Variants in CCDC171 observed in about 807,000 individuals in gnomAD.
CCDC171 encodes the protein coiled-coil domain containing 171, also known as coiled-coil domain-containing protein 171.
In CCDC171, 177 loss-of-function variants were observed where a neutral mutation model predicts 168.2. The observed-to-expected ratio is 1.05, with a 90% CI of 0.93 to 1.19. CCDC171 has a LOEUF of 1.19. CCDC171 is among the 50% of genes most tolerant of loss of function. CCDC171 has a pLI of 0.00. For missense variants in CCDC171, 1,991 were observed against 1,539.0 expected (o/e 1.29, Z -4.91); for synonymous variants, 687 against 540.8 (o/e 1.27, Z -3.75).
intron 21 of CCDC171, among the ~76,000 whole-genome samples, chr9:15,824,289 AATTT>A (rs2059921069): frequency 6.6e-6 from 1 of 152,006 alleles, no homozygotes; most frequent in African/African-American, 2.4e-5. Flanking sequence ...TATAAAATAA[AATTT>A]ATATACTACA....
intron 1 of CCDC171, among the ~76,000 whole-genome samples, chr9:15,562,837 G>T (rs936112301): frequency 6.6e-6 from 1 of 152,050 alleles, no homozygotes; most frequent in Non-Finnish European, 1.5e-5. Flanking sequence ...AAGTTTCCCT[G>T]GGGTCTGACC....
chr9:15,907,239 G>A (rs1397144875), intron 24 of CCDC171, among the ~76,000 whole-genome samples: 3 of 152,092 alleles, frequency 2.0e-5, no homozygotes, highest in Non-Finnish European at 2.9e-5. Flanking sequence ...GAGACATCAT[G>A]CTACCTGACT....
In CCDC171 at chr9:16,052,477, T is replaced by C. The variant is rs555212008; in HGVS notation, n.90-8169T>C. Among the ~76,000 whole-genome samples, 16 of 152,274 alleles carry C rather than the reference T, an allele frequency of 1.1e-4. No individual in the cohort carries two copies. In the East Asian group the frequency reaches 2.7e-3, roughly 26 times the overall value. On this transcript the variant is annotated intron_variant and non_coding_transcript_variant, in intron 1 of 1. Coordinates refer to the CCDC171 transcript ENST00000478913. ...TCCTTTTATTCTCACAAAGCTCTTA[T>C]GCCACACAAACTTCTCTTCACACTG...
chr9:16,058,176 T>C (rs1833873085), intron 1 of CCDC171, among the ~76,000 whole-genome samples: 1 of 151,952 alleles, frequency 6.6e-6, no homozygotes, highest in African/African-American at 2.4e-5. Flanking sequence ...TCTGGAACTC[T>C]CTCCCTCCCC....
intron 11 of CCDC171, among the ~76,000 whole-genome samples, chr9:15,706,490 G>A (rs1288973520): frequency 1.3e-5 from 2 of 151,968 alleles, no homozygotes; most frequent in African/African-American, 4.8e-5. Context: ...ATTTCACCAT[G>A]TTGCCCAGGC....
rs769057143 is a variant in CCDC171 at position 15,777,600 on chromosome 9, A to G, written c.2672A>G (p.Asp891Gly). Residue 891 changes from aspartate (D) to glycine (G), a missense_variant and splice_region_variant, in exon 19 of 26, where the codon GAT becomes GGT. Transcript: ENST00000380701. ...TGCCTTTTTTTCTTTTTCTTTGAAGATCCAAATTCCAGAATTTGTGGACAT... is the reference window on the plus strand; with the variant it reads ...TGCCTTTTTTTCTTTTTCTTTGAAGGTCCAAATTCCAGAATTTGTGGACAT... ...AELQDVIGKA[D>G]PNSRICGHLL... The G allele has an allele frequency of 6.3e-7, 1 of 1,598,216 alleles. No homozygotes were observed. Among genetic ancestry groups the G allele is most frequent in the Non-Finnish European group, 8.5e-7 (1 of 1,173,452 alleles).
rs561870355 is a variant in CCDC171 at position 15,604,797 on chromosome 9, G to A, written c.675+10625G>A. On this transcript the variant is annotated intron_variant, in intron 6 of 25. Transcript: ENST00000380701. ...GTAGTGACAACTCGGAGGAAGTTAC[G>A]TGAAAAGAAAGTGTTTTTAGGAATA... 2.8e-4 allele frequency among the ~76,000 whole-genome samples: 42 copies of A among 152,278 alleles called. 1 individual carries two copies. The South Asian group carries it at 6.6e-3, about 24-fold the overall frequency.
intron 9 of CCDC171, among the ~76,000 whole-genome samples, chr9:15,672,051 G>A (rs2049156040): frequency 6.6e-6 from 1 of 152,160 alleles, no homozygotes; most frequent in African/African-American, 2.4e-5. Context: ...TCTAACTGGT[G>A]TGAGATGGTA....
At chr9:15,664,565 T>TACACACACACACACACACACACACAC (rs1423756698) in intron 8 of CCDC171, among the ~76,000 whole-genome samples, 1 of 4,940 alleles carries the variant, frequency 2.0e-4, no homozygotes, top group African/African-American at 5.7e-4. Flanking sequence ...CCCTTAAATT[T>TACACACACACACACACACACACACAC]ATACACACAC....
At chr9:15,598,784 A>G (rs1256527606) in intron 6 of CCDC171, among the ~76,000 whole-genome samples, 2 of 152,156 alleles carry the variant, frequency 1.3e-5, no homozygotes, top group African/African-American at 4.8e-5. Context: ...GTGGGAGTCT[A>G]AGTCCTTTTG....
chr9:15,733,178 C>G (rs2054260268), intron 16 of CCDC171, among the ~76,000 whole-genome samples: 1 of 152,048 alleles, frequency 6.6e-6, no homozygotes, highest in African/African-American at 2.4e-5. Context: ...TTCTTATCGT[C>G]AAATTTTGAG....
At chr9:16,061,834 G>A (rs1002753517), downstream of CCDC171, among the ~76,000 whole-genome samples, 1 of 152,124 alleles carries the variant, frequency 6.6e-6, no homozygotes, top group Non-Finnish European at 1.5e-5. Context: ...TGCAAATTCA[G>A]GTTGGGATAA....
intron 6 of CCDC171, among the ~76,000 whole-genome samples, chr9:16,032,527 C>T (rs1327586281): frequency 6.6e-6 from 1 of 152,160 alleles, no homozygotes; most frequent in East Asian, 1.9e-4. Flanking sequence ...ACATTAGTTT[C>T]CCTGACCTGG....
intron 7 of CCDC171, among the ~76,000 whole-genome samples, chr9:15,624,099 G>C (rs958663225): frequency 4.1e-4 from 62 of 152,212 alleles, no homozygotes; most frequent in Admixed American, 7.2e-4. Flanking sequence ...CAAAGTACTA[G>C]AGTTAACACT....
intron 25 of CCDC171, among the ~76,000 whole-genome samples, chr9:15,957,150 A>G (rs1280587633): frequency 2.6e-5 from 4 of 151,998 alleles, no homozygotes; most frequent in Admixed American, 6.6e-5. Flanking sequence ...AGGCAAGAAG[A>G]GAAGTCGTTA....
At chr9:15,742,265 A>G (rs1277205407) in intron 16 of CCDC171, among the ~76,000 whole-genome samples, 1 of 152,164 alleles carries the variant, frequency 6.6e-6, no homozygotes, top group Non-Finnish European at 1.5e-5. Flanking sequence ...CCAGGATTTT[A>G]TGGCTTCTCA....
At chr9:15,890,292 T>C (rs770216) in intron 24 of CCDC171, among the ~76,000 whole-genome samples, 124,216 of 152,054 alleles carry the variant, frequency 0.82, 51,408 homozygotes, top group East Asian at 0.96. Context: ...CCTTTAGAGA[T>C]GAATGAAATT....
intron 16 of CCDC171, among the ~76,000 whole-genome samples, chr9:15,735,779 CAG>C (rs1242636479): frequency 6.6e-6 from 1 of 152,140 alleles, no homozygotes; most frequent in African/African-American, 2.4e-5. Context: ...TGCAGCGATT[CAG>C]AGAGTTAGTT....
intron 6 of CCDC171, among the ~76,000 whole-genome samples, chr9:15,601,680 G>A (rs1417374945): frequency 1.3e-5 from 2 of 152,190 alleles, no homozygotes; most frequent in Non-Finnish European, 2.9e-5. Flanking sequence ...AAATGCTGTA[G>A]TGCCACAGAA....
Sources: allele counts gnomAD v4.1 joint callset (sites outside exome capture counted in the v4.1 genomes callset), GRCh38; gene constraint gnomAD v4.1.1; transcripts MANE v1.5; gene names NCBI Gene and HGNC (gene_info 2026-07-23, HGNC 2026-07-21).